The following NETO2 variants were observed in gnomAD, a reference collection of about 807,000 sequenced individuals.
NETO2 encodes neuropilin and tolloid-like protein 2.
Under a neutral mutation model 62.5 loss-of-function variants are expected in NETO2, and 28 were observed. The observed-to-expected ratio is 0.45, with a 90% CI of 0.33 to 0.61. The LOEUF is 0.61. Ranked by LOEUF, NETO2 falls within the 20% of genes least tolerant of loss-of-function variation. NETO2 has a pLI of 0.02. For synonymous variants in NETO2, 214 were observed against 219.1 expected (o/e 0.98, Z 0.21); for missense variants, 548 against 643.2 (o/e 0.85, Z 1.60).
intron 6 of NETO2, 30 bp from the exon 7 acceptor site, chr16:47,109,741 T>C: frequency 7.0e-7 from 1 of 1,436,722 alleles, no homozygotes; most frequent in Non-Finnish European, 9.8e-7. Context: ...ACACTGCTTT[T>C]AAAAAGATAT....
intron 7 of NETO2, among the ~76,000 whole-genome samples, chr16:47,097,245 C>T (rs1321160229): frequency 3.9e-5 from 6 of 152,326 alleles, no homozygotes; most frequent in African/African-American, 9.6e-5. Context: ...CCCACCCCCA[C>T]GGGGCCCTTC....
At chr16:47,096,991 C>T (rs1047922332) in intron 7 of NETO2, among the ~76,000 whole-genome samples, 4 of 152,174 alleles carry the variant, frequency 2.6e-5, no homozygotes, top group African/African-American at 7.2e-5. Context: ...GCATTCTGGC[C>T]CAGATACTAC....
At chr16:47,085,194 T>C (rs1963159569) in intron 8 of NETO2, among the ~76,000 whole-genome samples, 1 of 152,212 alleles carries the variant, frequency 6.6e-6, no homozygotes, top group African/African-American at 2.4e-5. Context: ...AAAAAAGCAG[T>C]TCATAGAATG....
intron 2 of NETO2, among the ~76,000 whole-genome samples, chr16:47,131,481 C>T (rs1964265689): frequency 6.6e-6 from 1 of 151,890 alleles, no homozygotes; most frequent in African/African-American, 2.4e-5. Context: ...GTATGTATTA[C>T]TTAGATGAAA....
intron 1 of NETO2, 100 bp downstream of exon 1, chr16:47,143,479 G>T: frequency 8.4e-7 from 1 of 1,185,144 alleles, no homozygotes; most frequent in Non-Finnish European, 1.0e-6. Context: ...AGGCGCGTCG[G>T]GTCCCGGGCG....
rs932248404 is a variant in NETO2 at position 47,083,010 on chromosome 16, T to C, written c.*211A>G. ...TGACACCAAGCAATAGAGATGATTATTGTTTCCACTGAATAGAGTAAGTTC... is the reference window on the plus strand; with the variant it reads ...TGACACCAAGCAATAGAGATGATTACTGTTTCCACTGAATAGAGTAAGTTC... On this transcript the variant is annotated 3_prime_UTR_variant, in exon 9 of 9. Transcript: ENST00000562435. 2.1e-6 allele frequency: 1 copy of C among 484,198 alleles called. No homozygotes were observed. The highest frequency in any genetic ancestry group is 3.6e-6 in the Non-Finnish European group (1 of 277,984). The allele number at this position is 484,198 out of a possible 1,614,324, so 30.0% of individuals were successfully genotyped here. A position where few individuals can be genotyped will look rare whatever the true frequency, so the allele number is the denominator to read the frequency against.
intron 6 of NETO2, among the ~76,000 whole-genome samples, chr16:47,116,643 GA>G (rs1963928462): frequency 6.6e-6 from 1 of 152,106 alleles, no homozygotes; most frequent in African/African-American, 2.4e-5. Flanking sequence ...AGTAAGTTTA[GA>G]AATGTTCCCT....
chr16:47,114,435 A>ATTTTTTTT (rs1244612138), intron 6 of NETO2, among the ~76,000 whole-genome samples: 1 of 86,454 alleles, frequency 1.2e-5, no homozygotes, highest in African/African-American at 3.8e-5. Flanking sequence ...CAATTTATAA[A>ATTTTTTTT]TTTCTTTTTT....
At position 47,081,277 on chromosome 16, in the gene NETO2, T is replaced by C. The variant is rs1175830069; in HGVS notation, c.*1944A>G. 2.0e-5 allele frequency: 3 copies of C among 152,178 alleles called. No homozygotes were observed. Among genetic ancestry groups the C allele is most frequent in the Non-Finnish European group, 1.5e-5 (1 of 67,986 alleles). 9.4% of individuals were successfully genotyped at this position (152,178 alleles called of 1,614,324 possible). A position where few individuals can be genotyped will look rare whatever the true frequency, so the allele number is the denominator to read the frequency against. On this transcript the variant is annotated 3_prime_UTR_variant, in exon 9 of 9. Coordinates refer to ENST00000562435, the MANE Select transcript of NETO2 (RefSeq NM_018092.5). Reference sequence around the variant, plus strand: ...TTAAGTATTTATTATGCTGTTCAAATGTTAGCTGGTGTAAGTTACCTACTA... The same window carrying C: ...TTAAGTATTTATTATGCTGTTCAAACGTTAGCTGGTGTAAGTTACCTACTA...
At chr16:47,124,687 A>T (rs1964118669) in intron 4 of NETO2, among the ~76,000 whole-genome samples, 1 of 152,214 alleles carries the variant, frequency 6.6e-6, no homozygotes, top group African/African-American at 2.4e-5. Context: ...GCAACATGAT[A>T]GAGTAGGAAG....
chr16:47,107,303 C>G (rs9923731), intron 7 of NETO2, among the ~76,000 whole-genome samples: 20,623 of 152,126 alleles, frequency 0.14, 3,139 homozygotes, highest in African/African-American at 0.38. Context: ...TATGTTTCCA[C>G]AACTCCCACA....
At position 47,083,472 on chromosome 16, in the gene NETO2, G is replaced by C. The variant is rs1403003994; in HGVS notation, c.1327C>G (p.Gln443Glu). Residue 443 changes from glutamine (Q) to glutamate (E), a missense_variant, in exon 9 of 9, where the codon CAG (glutamine) becomes GAG (glutamate). Coordinates refer to ENST00000562435, the MANE Select transcript of NETO2 (RefSeq NM_018092.5). Reference protein sequence around the residue: ...RCIHDHHCGSQASSVKQSRTN... With the variant: ...RCIHDHHCGSEASSVKQSRTN... Reference sequence around the variant, plus strand: ...CTGCTTTGTTTGACGCTGGAGGCCTGCGACCCACAGTGGTGGTCGTGGATG... The same window carrying C: ...CTGCTTTGTTTGACGCTGGAGGCCTCCGACCCACAGTGGTGGTCGTGGATG... The C allele has an allele frequency of 3.1e-6, 5 of 1,614,244 alleles. No homozygotes were observed. The highest frequency in any genetic ancestry group is 4.2e-6 in the Non-Finnish European group (5 of 1,180,034).
chr16:47,125,621 C>T (rs1197816751), intron 4 of NETO2, among the ~76,000 whole-genome samples: 3 of 152,204 alleles, frequency 2.0e-5, no homozygotes, highest in Non-Finnish European at 4.4e-5. Context: ...GCTGGGATTA[C>T]AGGTGTAAGC....
intron 7 of NETO2, among the ~76,000 whole-genome samples, chr16:47,099,002 G>A (rs1963489060): frequency 6.6e-6 from 1 of 152,028 alleles, no homozygotes; most frequent in South Asian, 2.1e-4. Context: ...TGGGATTACA[G>A]GCGCCCACCA....
Position 47,128,327 on chromosome 16 carries a change from G to C in NETO2, c.479C>G (p.Pro160Arg). The C allele has an allele frequency of 6.2e-7, 1 of 1,612,392 alleles. No homozygotes were observed. The highest frequency in any genetic ancestry group is 8.5e-7 in the Non-Finnish European group (1 of 1,179,226). The change falls in exon 4 of 9, where the codon CCA (proline) becomes CGA (arginine). Residue 160 changes from proline (P) to arginine (R), a missense_variant and splice_region_variant. By Grantham distance (103) the Pro-to-Arg change is moderately radical (BLOSUM62 -2). Transcript: ENST00000562435. ...TTAAAAGATAACTTATTCTTTACCT[G>C]GAATAAATGAATATTTTGCTCGAAA... is the stretch of plus-strand genomic sequence containing the variant. ...LGFRAKYSFI[P>R]DPDFTYLGGI... is the part of the protein sequence containing the mutation.
chr16:47,102,500 C>T (rs1431985983), intron 7 of NETO2, among the ~76,000 whole-genome samples: 1 of 150,890 alleles, frequency 6.6e-6, no homozygotes, highest in African/African-American at 2.4e-5. Flanking sequence ...AGTGAACAGG[C>T]AACCTACAGA....
chr16:47,130,510 C>G (rs983263303), intron 2 of NETO2, among the ~76,000 whole-genome samples: 2 of 151,480 alleles, frequency 1.3e-5, no homozygotes, highest in African/African-American at 4.8e-5. Flanking sequence ...AAAGACTATG[C>G]AAGAAAAATA....
chr16:47,102,852 A>C (rs1963585028), intron 7 of NETO2, among the ~76,000 whole-genome samples: 1 of 152,180 alleles, frequency 6.6e-6, no homozygotes, highest in African/African-American at 2.4e-5. Context: ...TGGGAGTGTA[A>C]ATTAGTTCAA....
intron 7 of NETO2, among the ~76,000 whole-genome samples, chr16:47,105,414 A>G (rs933316757): frequency 6.6e-6 from 1 of 152,208 alleles, no homozygotes; most frequent in African/African-American, 2.4e-5. Context: ...ATATGAGAAA[A>G]GCTTCATGAC....
Sources: allele counts gnomAD v4.1 joint callset (sites outside exome capture counted in the v4.1 genomes callset), GRCh38; gene constraint gnomAD v4.1.1; transcripts MANE v1.5; gene names NCBI Gene and HGNC (gene_info 2026-07-23, HGNC 2026-07-21).